The following RFTN1 variants were observed in gnomAD, a reference collection of about 807,000 sequenced individuals.
The protein encoded by RFTN1 is raftlin.
A neutral mutation model predicts 46.5 loss-of-function variants in RFTN1; 26 were observed. That is an observed-to-expected ratio of 0.56 (90% CI 0.41 to 0.78). RFTN1 has a LOEUF of 0.78. Among genes scored for constraint, RFTN1 ranks in the 30% least tolerant of loss-of-function variants. The probability of loss-of-function intolerance (pLI) is 0.00; values close to 1 mark genes in which losing one functional copy is unlikely to be tolerated. For missense variants in RFTN1, 693 were observed against 718.7 expected (o/e 0.96, Z 0.41); for synonymous variants, 261 against 284.2 (o/e 0.92, Z 0.82).
rs2074567702 is a variant in RFTN1 at position 16,400,195 on chromosome 3, C to T, written c.441+9180G>A. ...CTCACTCTCCAGCCTCACTCCACCTCACTCACCCCTCTGTCATTTGCAGGC... is the reference window on the plus strand; with the variant it reads ...CTCACTCTCCAGCCTCACTCCACCTTACTCACCCCTCTGTCATTTGCAGGC... On this transcript the variant is annotated intron_variant, in intron 4 of 9. Transcript: ENST00000334133. This position sits in a 1 kb window ranked among gnomAD's most constrained non-coding sequence, Gnocchi z 4.5. 6.6e-6 allele frequency among the ~76,000 whole-genome samples: 1 copy of T among 152,198 alleles called. No homozygotes were observed.
rs2076354716 is a variant in RFTN1 at position 16,480,896 on chromosome 3, A to G, written c.145+12829T>C. Among the ~76,000 whole-genome samples, 1 of 152,156 alleles carries G rather than the reference A, an allele frequency of 6.6e-6. No homozygotes were observed. The highest frequency in any genetic ancestry group is 2.4e-5 in the African/African-American group (1 of 41,428). On this transcript the variant is annotated intron_variant, in intron 2 of 9. Transcript: ENST00000334133. The surrounding 1 kb of genome is among the most constrained non-coding windows in gnomAD (Gnocchi z 4.3). ...AAATAATTTGGTTTTGCTTTGACAG[A>G]TAACAGTCATCAGCAAGGAATTTCA...
At chr3:16,416,052 G>A (rs771097896) in intron 3 of RFTN1, 6 of 214,412 alleles carry the variant, frequency 2.8e-5, no homozygotes, top group Admixed American at 1.2e-4. Context: ...GAAACAGCCT[G>A]GGGAAAAATT....
In RFTN1 at chr3:16,458,342, G is replaced by A. The variant is rs528934004; in HGVS notation, c.146-24305C>T. On this transcript the variant is annotated intron_variant, in intron 2 of 9. Coordinates refer to ENST00000334133, the MANE Select transcript of RFTN1 (RefSeq NM_015150.2). The surrounding 1 kb of genome is among the most constrained non-coding windows in gnomAD (Gnocchi z 5.1). ...GTATTATTCAGGTCCAGGTATGCTC[G>A]GGGTGCTGGAGTTTCAGGTAGTGGG... Among the ~76,000 whole-genome samples, 12 of 152,294 alleles carry A rather than the reference G, an allele frequency of 7.9e-5. No homozygotes were observed. The highest frequency in any genetic ancestry group is 5.2e-4 in the Admixed American group (8 of 15,304).
chr3:16,372,835 A>T (rs564196257), intron 5 of RFTN1, among the ~76,000 whole-genome samples: 1 of 152,312 alleles, frequency 6.6e-6, no homozygotes, highest in African/African-American at 2.4e-5. Flanking sequence ...GACAGAAATA[A>T]ATTTCTCAGG....
In RFTN1 at chr3:16,315,872, T is replaced by G. The variant is rs2068332907; in HGVS notation, c.*956A>C. ...ACGGTGCACTAACTCATAGATGATT[T>G]ATTGCCGTAAGTAACTAAACAAGAG... On this transcript the variant is annotated 3_prime_UTR_variant, in exon 10 of 10. Coordinates refer to ENST00000334133, the MANE Select transcript of RFTN1 (RefSeq NM_015150.2). 1 of 152,238 alleles carries G rather than the reference T, an allele frequency of 6.6e-6. No homozygotes were observed. The highest frequency in any genetic ancestry group is 1.5e-5 in the Non-Finnish European group (1 of 68,042). The allele number at this position is 152,238 out of a possible 1,614,324, so 9.4% of individuals were successfully genotyped here. A position where few individuals can be genotyped will look rare whatever the true frequency, so the allele number is the denominator to read the frequency against.
Position 16,383,446 on chromosome 3 carries a change from G to C in RFTN1, c.442-5344C>G, listed in dbSNP as rs79666994. On this transcript the variant is annotated intron_variant, in intron 4 of 9. Transcript: ENST00000334133. The surrounding 1 kb of genome is among the most constrained non-coding windows in gnomAD (Gnocchi z 4.0). ...CATGCTCCACTGTAACTATAATCAG[G>C]AATCATGATGTGAAAAATATTTCTT... Among the ~76,000 whole-genome samples the C allele has an allele frequency of 0.022, 3,398 of 152,054 alleles. 129 individuals carry two copies. Among genetic ancestry groups the C allele is most frequent in the African/African-American group, 0.077 (3,210 of 41,428 alleles).
At chr3:16,395,641 G>A (rs954631843) in intron 4 of RFTN1, among the ~76,000 whole-genome samples, 21 of 152,236 alleles carry the variant, frequency 1.4e-4, no homozygotes, top group African/African-American at 4.3e-4. Flanking sequence ...TAGAGACAGG[G>A]TCTTGCTATG....
intron 4 of RFTN1, among the ~76,000 whole-genome samples, chr3:16,390,727 T>TA (rs2125402306): frequency 6.6e-6 from 1 of 152,310 alleles, no homozygotes; most frequent in South Asian, 2.1e-4. Context: ...GTGTTATTCT[T>TA]AAGGCATCAT....
rs551409969 is a variant in RFTN1, at chr3:16,472,774, G to T, written c.145+20951C>A. 2.0e-5 allele frequency among the ~76,000 whole-genome samples: 3 copies of T among 152,320 alleles called. No homozygotes were observed. The South Asian group carries it at 6.2e-4, about 32-fold the overall frequency. On this transcript the variant is annotated intron_variant, in intron 2 of 9. Transcript: ENST00000334133. ...ATGATCTTCACAGGCTGACATTCTG[G>T]TCTCTTCATTACACAGGAGTGACGC...
At chr3:16,437,795 CT>C (rs1285000223) in intron 2 of RFTN1, among the ~76,000 whole-genome samples, 7 of 152,118 alleles carry the variant, frequency 4.6e-5, no homozygotes, top group Non-Finnish European at 8.8e-5. Context: ...CACCCTAATC[CT>C]GGCCCAGCCC....
rs561427384 is a variant in RFTN1, at chr3:16,480,866, C to T, written c.145+12859G>A. Among the ~76,000 whole-genome samples, 1 of 152,246 alleles carries T rather than the reference C, an allele frequency of 6.6e-6. No homozygotes were observed. The highest frequency in any genetic ancestry group is 1.9e-4 in the East Asian group (1 of 5,188). ...TCAAGGCTGCTTTTATGAATCCCTGCAGAAAAATAATTTGGTTTTGCTTTG... is the reference window on the plus strand; with the variant it reads ...TCAAGGCTGCTTTTATGAATCCCTGTAGAAAAATAATTTGGTTTTGCTTTG... On this transcript the variant is annotated intron_variant, in intron 2 of 9. Transcript: ENST00000334133. This position sits in a 1 kb window ranked among gnomAD's most constrained non-coding sequence, Gnocchi z 4.3.
At chr3:16,406,221 T>C (rs1402023469) in intron 4 of RFTN1, among the ~76,000 whole-genome samples, 1 of 152,104 alleles carries the variant, frequency 6.6e-6, no homozygotes, top group Non-Finnish European at 1.5e-5. Flanking sequence ...CTTTAGAAAT[T>C]ATGGCCAGCA....
chr3:16,497,488 C>G (rs1028716938), intron 1 of RFTN1, among the ~76,000 whole-genome samples: 1 of 152,214 alleles, frequency 6.6e-6, no homozygotes, highest in African/African-American at 2.4e-5. Flanking sequence ...TGGGTAGCGG[C>G]AGGTTCTCCC....
At chr3:16,490,057 GA>G (rs2076515023) in intron 2 of RFTN1, among the ~76,000 whole-genome samples, 1 of 152,214 alleles carries the variant, frequency 6.6e-6, no homozygotes, top group East Asian at 1.9e-4. Flanking sequence ...AAACATGAGA[GA>G]CCGCCAGGGA....
In RFTN1 at chr3:16,481,253, A is replaced by G; in HGVS notation, c.145+12472T>C. 6.6e-6 allele frequency among the ~76,000 whole-genome samples: 1 copy of G among 152,238 alleles called. No individual in the cohort carries two copies. The highest frequency in any genetic ancestry group is 1.9e-4 in the East Asian group (1 of 5,204). ...CTTGGTCGCAACATCAAAAGCAACA[A>G]TACCAAAGATGAATATAACAGCTTT... is the stretch of plus-strand genomic sequence containing the variant. On this transcript the variant is annotated intron_variant, in intron 2 of 9. Coordinates refer to ENST00000334133, the MANE Select transcript of RFTN1 (RefSeq NM_015150.2). This position sits in a 1 kb window ranked among gnomAD's most constrained non-coding sequence, Gnocchi z 5.1.
At chr3:16,394,768 CA>C (rs1209130192) in intron 4 of RFTN1, among the ~76,000 whole-genome samples, 4 of 151,786 alleles carry the variant, frequency 2.6e-5, no homozygotes, top group African/African-American at 9.7e-5. Flanking sequence ...GAAGTGTTTC[CA>C]TTATGGAGAT....
At chr3:16,423,705 C>T (rs1301155712) in intron 3 of RFTN1, among the ~76,000 whole-genome samples, 6 of 152,120 alleles carry the variant, frequency 3.9e-5, no homozygotes, top group African/African-American at 1.4e-4. Flanking sequence ...TACCTGCAAA[C>T]ACATAAATGT....
chr3:16,503,402 T>G (rs746680517), intron 1 of RFTN1, among the ~76,000 whole-genome samples: 1 of 152,224 alleles, frequency 6.6e-6, no homozygotes, highest in Non-Finnish European at 1.5e-5. Context: ...TAATCTTGAC[T>G]GCACTTTGGA....
chr3:16,390,613 T>TATTCAAAAGCA (rs1304716895), intron 4 of RFTN1, among the ~76,000 whole-genome samples: 1 of 152,272 alleles, frequency 6.6e-6, no homozygotes, highest in African/African-American at 2.4e-5. Context: ...GATGCTTTAC[T>TATTCAAAAGCA]ATTCAAAAGC....
Sources: allele counts gnomAD v4.1 joint callset (sites outside exome capture counted in the v4.1 genomes callset), GRCh38; gene constraint gnomAD v4.1.1; non-coding constraint Gnocchi (gnomAD v3.1); transcripts MANE v1.5; gene names NCBI Gene and HGNC (gene_info 2026-07-23, HGNC 2026-07-21).